The following TCF3 variants were observed in gnomAD, a reference collection of about 807,000 sequenced individuals.
The protein encoded by TCF3 is transcription factor 3.
A neutral mutation model predicts 72.3 loss-of-function variants in TCF3; 54 were observed. The ratio of observed to expected loss-of-function variants is 0.75; its 90% confidence interval spans 0.60 to 0.94. The LOEUF (loss-of-function observed/expected upper bound fraction) is 0.94. Among genes scored for constraint, TCF3 ranks in the 40% least tolerant of loss-of-function variants. The pLI, the probability that TCF3 is intolerant of heterozygous loss-of-function variation, is 0.00. For missense variants in TCF3, 1,078 were observed against 934.4 expected (o/e 1.15, Z -2.00); for synonymous variants, 525 against 412.6 (o/e 1.27, Z -3.30).
chr19:1,619,132 G>A lies in TCF3; in HGVS notation c.1429C>T (p.Arg477Trp), dbSNP rs759729787. ...TTACCACTGTAGGAGTCGGGAGGCC[G>A]AGACAGGTCAGGGAGGGTGCCTGGC... ...SQPGTLPDLSRPPDSYSGLGR... is the reference protein window; with the variant it reads ...SQPGTLPDLSWPPDSYSGLGR... Residue 477 changes from arginine to tryptophan, a missense_variant, in exon 16 of 19, where the codon CGG becomes TGG. Arg to Trp is a moderately radical substitution (Grantham distance 101, BLOSUM62 -3). Transcript: ENST00000262965. 1.0e-5 allele frequency: 16 copies of A among 1,599,814 alleles called. No homozygotes were observed. The highest frequency in any genetic ancestry group is 1.3e-5 in the Non-Finnish European group (15 of 1,179,752).
At chr19:1,648,454 G>C (rs1157216262) in intron 2 of TCF3, among the ~76,000 whole-genome samples, 1 of 152,190 alleles carries the variant, frequency 6.6e-6, no homozygotes, top group African/African-American at 2.4e-5. Context: ...TGAGTGGCTT[G>C]AGGTGAGGAG....
intron 7 of TCF3, 92 bp from the exon 8 acceptor site, chr19:1,624,092 T>A: frequency 7.4e-7 from 1 of 1,359,534 alleles, no homozygotes; most frequent in South Asian, 1.2e-5. Context: ...CAATTCCCGT[T>A]TCATATATTA....
intron 5 of TCF3, among the ~76,000 whole-genome samples, chr19:1,630,433 C>T (rs1355376703): frequency 1.3e-5 from 2 of 152,188 alleles, no homozygotes; most frequent in Admixed American, 6.5e-5. Flanking sequence ...CAGGACCGTC[C>T]CTGCCCCGCT....
chr19:1,625,445 C>A, intron 7 of TCF3, 131 bp downstream of exon 7: 1 of 1,227,244 alleles, frequency 8.1e-7, no homozygotes, highest in Non-Finnish European at 1.1e-6. Context: ...CCCGAGCGCC[C>A]GACGTCCAGC....
intron 1 of TCF3, chr19:1,651,485 G>A (rs920685551): frequency 8.9e-6 from 2 of 224,388 alleles, no homozygotes; most frequent in African/African-American, 4.5e-5. Context: ...CTTTTTTGTG[G>A]GGTAGCTGAA....
At chr19:1,634,593 G>A (rs2064149056) in intron 3 of TCF3, among the ~76,000 whole-genome samples, 1 of 152,232 alleles carries the variant, frequency 6.6e-6, no homozygotes, top group African/African-American at 2.4e-5. Flanking sequence ...CGTAGCCAAG[G>A]AATGCTCCAG....
In TCF3 at chr19:1,619,231, C is replaced by T. The variant is rs1188968080; in HGVS notation, c.1330G>A (p.Gly444Arg). 6.3e-7 allele frequency: 1 copy of T among 1,594,108 alleles called. No homozygotes were observed. The highest frequency in any genetic ancestry group is 1.8e-4 in the Middle Eastern group (1 of 5,550). ...AGGCCGTCCTCGGGGTGGCTGCCTC[C>T]AACCTGCAGGCGTGGGGAGACGGGT... ...SLGGRHAGLV[G>R]GSHPEDGLAG... The change falls in exon 16 of 19, where the codon GGA becomes AGA. Residue 444 changes from glycine (G) to arginine (R), a missense_variant. By Grantham distance (125) the Gly-to-Arg change is moderately radical. Transcript: ENST00000262965.
In TCF3 at chr19:1,621,006, C is replaced by A; in HGVS notation, c.1055G>T (p.Ser352Ile). 6.6e-7 allele frequency: 1 copy of A among 1,519,398 alleles called. No homozygotes were observed. The highest frequency in any genetic ancestry group is 8.8e-7 in the Non-Finnish European group (1 of 1,134,056). The allele number at this position is 1,519,398 out of a possible 1,614,324, so 94.1% of individuals were successfully genotyped here. Residue 352 changes from serine to isoleucine, a missense_variant, in exon 13 of 19, where the codon AGC becomes ATC. Transcript: ENST00000262965. Reference protein sequence around the residue: ...PDHSSNNFSSSPSTPVGSPQG... With the variant: ...PDHSSNNFSSIPSTPVGSPQG... ...GGGGGAGCCCACGGGGGTAGAAGGG[C>A]TGGACGAGAAGTTATTGCTTGAGTG... is the stretch of plus-strand genomic sequence containing the variant.
At chr19:1,642,311 C>T (rs1267768238) in intron 3 of TCF3, among the ~76,000 whole-genome samples, 4 of 152,088 alleles carry the variant, frequency 2.6e-5, no homozygotes, top group African/African-American at 9.7e-5. Context: ...CACACCCGCA[C>T]GCACACACAG....
Position 1,622,138 on chromosome 19 carries a change from C to A in TCF3, c.738G>T (p.Pro246=), listed in dbSNP as rs978297241. 4 of 1,587,578 alleles carry A rather than the reference C, an allele frequency of 2.5e-6. No homozygotes were observed. Among genetic ancestry groups the A allele is most frequent in the East Asian group, 2.3e-5 (1 of 43,646 alleles). Reference sequence around the variant, plus strand: ...GGCCGCTACCGGGCGGGAGGGGCAGCGGGGATGAGCCCCCACCCAGCATGG... The same window carrying A: ...GGCCGCTACCGGGCGGGAGGGGCAGAGGGGATGAGCCCCCACCCAGCATGG... ...FGPMLGGGSS[P]LPLPPGSGPV... The change falls in exon 10 of 19, where the codon CCG becomes CCT. Residue 246 remains proline, a synonymous_variant. Transcript: ENST00000262965.
chr19:1,614,470 G>T lies in TCF3; in HGVS notation c.1822+815C>A, dbSNP rs572896886. Among the ~76,000 whole-genome samples, 9 of 152,190 alleles carry T rather than the reference G, an allele frequency of 5.9e-5. 1 individual carries two copies. Among genetic ancestry groups the T allele is most frequent in the Non-Finnish European group, 1.3e-4 (9 of 68,018 alleles). The stretch of plus-strand genomic sequence containing the variant: ...CAGAGGGACGGACGGGCGGGATGGA[G>T]GGGAGGGCGGAAGGCAGACAGCAGA... On this transcript the variant is annotated intron_variant, in intron 18 of 18. Coordinates refer to ENST00000262965, the MANE Select transcript of TCF3 (RefSeq NM_003200.5). The surrounding 1 kb of genome is among the most constrained non-coding windows in gnomAD (Gnocchi z 5.6).
chr19:1,642,662 G>A (rs958286308), intron 3 of TCF3, among the ~76,000 whole-genome samples: 4 of 152,166 alleles, frequency 2.6e-5, no homozygotes, highest in Non-Finnish European at 5.9e-5. Context: ...GAGACAGGCC[G>A]TGCTGTCACC....
At chr19:1,644,766 G>A (rs890511896) in intron 3 of TCF3, among the ~76,000 whole-genome samples, 6 of 152,140 alleles carry the variant, frequency 3.9e-5, no homozygotes, top group African/African-American at 1.2e-4. Flanking sequence ...AGGGCTGAGG[G>A]GGTGAGAGGC....
intron 3 of TCF3, among the ~76,000 whole-genome samples, chr19:1,645,133 C>A (rs1297082258): frequency 6.6e-6 from 1 of 152,080 alleles, no homozygotes; most frequent in African/African-American, 2.4e-5. Flanking sequence ...AAGTACAGAA[C>A]CCCCTTTGCC....
intron 16 of TCF3, among the ~76,000 whole-genome samples, chr19:1,618,578 G>A (rs535938344): frequency 6.6e-6 from 1 of 150,916 alleles, no homozygotes; most frequent in South Asian, 2.1e-4. Context: ...TTCCTCCCAG[G>A]TGCAGTCCAG....
In TCF3 at chr19:1,611,565, C is replaced by T. The variant is rs538454165; in HGVS notation, c.*142G>A. On this transcript the variant is annotated 3_prime_UTR_variant, in exon 19 of 19. Transcript: ENST00000262965. ...CCTTGGCCGCCCCCATCACTCCGAA[C>T]CTTGTCAGGTTGGTGTTGGCTCGAT... 11 of 1,245,090 alleles carry T rather than the reference C, an allele frequency of 8.8e-6. No individual in the cohort carries two copies. Among genetic ancestry groups the T allele is most frequent in the Non-Finnish European group, 1.1e-5 (10 of 921,574 alleles). 77.1% of individuals were successfully genotyped at this position (1,245,090 alleles called of 1,614,324 possible).
intron 2 of TCF3, among the ~76,000 whole-genome samples, chr19:1,647,803 G>A (rs547016777): frequency 6.6e-6 from 1 of 152,350 alleles, no homozygotes; most frequent in South Asian, 2.1e-4. Flanking sequence ...GGGCTCTGCA[G>A]GCCTCATGAG....
rs1175366355 is a variant in TCF3, at chr19:1,650,186, G to C, written c.63C>G (p.Asp21Glu). The C allele has an allele frequency of 2.5e-6, 4 of 1,570,378 alleles. No individual in the cohort carries two copies. Among genetic ancestry groups the C allele is most frequent in the Non-Finnish European group, 3.5e-6 (4 of 1,159,272 alleles). Reference sequence around the variant, plus strand: ...GGGGGTCCTGGCTCACCATGCTGAAGTCCAGGAGGTCACTGAGCTCCTTGT... The same window carrying C: ...GGGGGTCCTGGCTCACCATGCTGAACTCCAGGAGGTCACTGAGCTCCTTGT... ...GTDKELSDLL[D>E]FSMMFPLPVT... is the part of the protein sequence containing the mutation. The change falls in exon 2 of 19, where the codon GAC becomes GAG. Residue 21 changes from aspartate to glutamate, a missense_variant. Physicochemically the swap from Asp to Glu is conservative, Grantham distance 45 (BLOSUM62 2). Coordinates refer to ENST00000262965, the MANE Select transcript of TCF3 (RefSeq NM_003200.5).
intron 3 of TCF3, among the ~76,000 whole-genome samples, chr19:1,642,195 GACGCAGAC>G (rs2065379613): frequency 8.9e-6 from 1 of 112,586 alleles, no homozygotes; most frequent in South Asian, 4.2e-4. Flanking sequence ...CGCAGACACA[GACGCAGAC>G]ACGCACACAC....
Sources: gnomAD v4.1 joint callset for allele counts (sites outside exome capture counted in the v4.1 genomes callset) on GRCh38, gnomAD v4.1.1 for gene constraint, Gnocchi (gnomAD v3.1) non-coding constraint, MANE v1.5 for transcripts, NCBI Gene and HGNC (gene_info 2026-07-23, HGNC 2026-07-21) for gene names.